Variants in ANGPT1 observed in about 807,000 individuals in gnomAD.
The protein encoded by ANGPT1 is angiopoietin-1.
In ANGPT1, 17 loss-of-function variants were observed where a neutral mutation model predicts 62.2. The ratio of observed to expected loss-of-function variants is 0.27; its 90% CI spans 0.19 to 0.41. The LOEUF is 0.41. ANGPT1 is among the 10% of genes least tolerant of loss of function. The probability of loss-of-function intolerance (pLI) is 1.00; values close to 1 mark genes in which losing one functional copy is unlikely to be tolerated. For synonymous variants in ANGPT1, 199 were observed against 198.9 expected, an observed-to-expected ratio of 1.00 and a Z score of 0.00; for missense variants, 478 against 594.9, an observed-to-expected ratio of 0.80 and a Z score of 2.04.
chr8:107,310,882 G>A (rs1586211065), intron 4 of ANGPT1, among the ~76,000 whole-genome samples: 1 of 151,996 alleles, frequency 6.6e-6, no homozygotes, highest in South Asian at 2.1e-4. Context: ...AGAGAGGATA[G>A]GCTGGCGGGG....
At chr8:107,405,018 T>C (rs1476448160) in intron 1 of ANGPT1, among the ~76,000 whole-genome samples, 2 of 152,018 alleles carry the variant, frequency 1.3e-5, no homozygotes, top group African/African-American at 4.8e-5. Flanking sequence ...GAGAACACCA[T>C]GGGTTGATGA....
chr8:107,449,462 G>C (rs1378285403), intron 1 of ANGPT1, among the ~76,000 whole-genome samples: 6 of 151,190 alleles, frequency 4.0e-5, no homozygotes, highest in Admixed American at 2.6e-4. Context: ...AAAATTTACT[G>C]GGAGAGCAGG....
intron 7 of ANGPT1, among the ~76,000 whole-genome samples, chr8:107,273,306 T>C (rs902880130): frequency 1.3e-5 from 2 of 152,060 alleles, no homozygotes; most frequent in Non-Finnish European, 1.5e-5. Context: ...TTGAGATGCA[T>C]TGTCTGAGGT....
Position 107,254,229 on chromosome 8 carries a change from C to A in ANGPT1, c.1337-2214G>T, listed in dbSNP as rs377455676. Among the ~76,000 whole-genome samples the A allele has an allele frequency of 1.2e-3, 180 of 152,012 alleles. 1 individual carries two copies. The Middle Eastern group carries it at 0.014, about 11-fold the overall frequency. On this transcript the variant is annotated intron_variant, in intron 8 of 8. Coordinates refer to ENST00000517746, the MANE Select transcript of ANGPT1 (RefSeq NM_001146.5). ...TAAAATGCTGTATTTGATAGATACC[C>A]CAAAATGTAACACCTGTCCTTATTG...
intron 7 of ANGPT1, among the ~76,000 whole-genome samples, chr8:107,274,606 G>A (rs1244896907): frequency 6.6e-6 from 1 of 152,196 alleles, no homozygotes; most frequent in African/African-American, 2.4e-5. Context: ...CAACAATCCA[G>A]GGAACTTAAG....
chr8:107,493,758 T>A (rs1283721), intron 1 of ANGPT1, among the ~76,000 whole-genome samples: 149,985 of 149,998 alleles, frequency 1, 74,987 homozygotes, highest in Middle Eastern at 1. Flanking sequence ...CAAACACACA[T>A]GGTCACTGGC....
intron 4 of ANGPT1, among the ~76,000 whole-genome samples, chr8:107,320,871 C>T (rs1267621718): frequency 6.6e-6 from 1 of 152,004 alleles, no homozygotes; most frequent in African/African-American, 2.4e-5. Flanking sequence ...TGTCACATAG[C>T]TCAAATCCAC....
At chr8:107,447,727 G>C (rs992586850) in intron 1 of ANGPT1, among the ~76,000 whole-genome samples, 1 of 152,176 alleles carries the variant, frequency 6.6e-6, no homozygotes, top group Non-Finnish European at 1.5e-5. Flanking sequence ...TTCCAATGAG[G>C]CTCCTAGGCA....
chr8:107,418,236 T>A, intron 1 of ANGPT1, among the ~76,000 whole-genome samples: 1 of 152,218 alleles, frequency 6.6e-6, no homozygotes, highest in Non-Finnish European at 1.5e-5. Flanking sequence ...TTACTTTATC[T>A]TCTCTAGATA....
At chr8:107,489,397 T>A (rs1487441593) in intron 1 of ANGPT1, among the ~76,000 whole-genome samples, 1 of 152,206 alleles carries the variant, frequency 6.6e-6, no homozygotes, top group Non-Finnish European at 1.5e-5. Context: ...TCATGTAGTA[T>A]AGTATAAACA....
chr8:107,355,272 T>G (rs1443878023), intron 1 of ANGPT1, among the ~76,000 whole-genome samples: 1 of 152,080 alleles, frequency 6.6e-6, no homozygotes, highest in Non-Finnish European at 1.5e-5. Context: ...CAATATCACT[T>G]TATTCTCACA....
At chr8:107,424,103 A>G (rs1810974214) in intron 1 of ANGPT1, among the ~76,000 whole-genome samples, 1 of 151,846 alleles carries the variant, frequency 6.6e-6, no homozygotes. Flanking sequence ...AGCTTCTCAA[A>G]GTGCTGGAAT....
intron 1 of ANGPT1, among the ~76,000 whole-genome samples, chr8:107,405,002 T>A (rs1376381597): frequency 6.6e-6 from 1 of 152,084 alleles, no homozygotes; most frequent in Non-Finnish European, 1.5e-5. Flanking sequence ...TGGGCTATTA[T>A]TTCTTGAGAA....
chr8:107,324,209 A>ATGTACATATG (rs757850400), intron 3 of ANGPT1, among the ~76,000 whole-genome samples: 81 of 146,436 alleles, frequency 5.5e-4, no homozygotes, highest in African/African-American at 2.0e-3. Flanking sequence ...ATATATGTAT[A>ATGTACATATG]TATATATGTG....
chr8:107,496,605 G>A (rs1813104966), intron 1 of ANGPT1, among the ~76,000 whole-genome samples: 1 of 152,096 alleles, frequency 6.6e-6, no homozygotes, highest in Non-Finnish European at 1.5e-5. Flanking sequence ...CATCGTGAGC[G>A]AGCAACCCCT....
chr8:107,249,523 G>C lies in ANGPT1; in HGVS notation c.*2332C>G, dbSNP rs1813201274. 6.6e-6 allele frequency: 1 copy of C among 152,096 alleles called. No homozygotes were observed. Among genetic ancestry groups the C allele is most frequent in the Non-Finnish European group, 1.5e-5 (1 of 68,018 alleles). 9.4% of individuals were successfully genotyped at this position (152,096 alleles called of 1,614,324 possible). On this transcript the variant is annotated 3_prime_UTR_variant, in exon 9 of 9. Transcript: ENST00000517746. ...TTCAATTTTATTTAAATCAAATAAT[G>C]TTGTGATGATATGAAGAACTTTGCA...
intron 7 of ANGPT1, among the ~76,000 whole-genome samples, chr8:107,281,899 T>A (rs544314516): frequency 6.6e-6 from 1 of 152,106 alleles, no homozygotes; most frequent in East Asian, 1.9e-4. Flanking sequence ...CTTGAAACAA[T>A]TGATCACAAA....
chr8:107,393,272 G>A (rs1174591256), intron 1 of ANGPT1, among the ~76,000 whole-genome samples: 1 of 152,140 alleles, frequency 6.6e-6, no homozygotes, highest in Non-Finnish European at 1.5e-5. Flanking sequence ...ATATAGATCA[G>A]TGGTTCCCCT....
chr8:107,405,080 G>A (rs897410573), intron 1 of ANGPT1, among the ~76,000 whole-genome samples: 41 of 151,778 alleles, frequency 2.7e-4, no homozygotes, highest in African/African-American at 9.7e-4. Context: ...ATTAATTGTA[G>A]TAAATTTTTT....
Sources: allele counts gnomAD v4.1 joint callset (sites outside exome capture counted in the v4.1 genomes callset), GRCh38; gene constraint gnomAD v4.1.1; transcripts MANE v1.5; gene names NCBI Gene and HGNC (gene_info 2026-07-23, HGNC 2026-07-21).